The following NDST1 variants were observed in gnomAD, a reference collection of about 807,000 sequenced individuals.
NDST1 encodes the protein N-deacetylase and N-sulfotransferase 1.
In NDST1, 35 loss-of-function variants were observed where a neutral mutation model predicts 92.8. The ratio of observed to expected loss-of-function variants is 0.38; its 90% confidence interval spans 0.29 to 0.50. The LOEUF is 0.50. Ranked by LOEUF, NDST1 falls within the 20% of genes least tolerant of loss-of-function variation. The pLI, the probability that NDST1 is intolerant of heterozygous loss-of-function variation, is 0.94. For synonymous variants in NDST1, 493 were observed against 500.3 expected (o/e 0.99, Z 0.19); for missense variants, 822 against 1,182.7 (o/e 0.69, Z 4.47).
intron 3 of NDST1, among the ~76,000 whole-genome samples, chr5:150,531,112 T>TTCTTTCAGAGACATGTCTTTCATG (rs1195994144): frequency 6.6e-6 from 1 of 152,050 alleles, no homozygotes. Context: ...AACAGAGCCC[T>TTCTTTCAGAGACATGTCTTTCATG]TCTTTCAGAG....
At chr5:150,545,757 G>A (rs575217579) in intron 11 of NDST1, among the ~76,000 whole-genome samples, 2 of 152,222 alleles carry the variant, frequency 1.3e-5, no homozygotes, top group Non-Finnish European at 2.9e-5. Flanking sequence ...GTGGAGGCTG[G>A]TTACGCCTAG....
chr5:150,551,984 A>G, intron 14 of NDST1, 129 bp downstream of exon 14: 1 of 1,452,408 alleles, frequency 6.9e-7, no homozygotes, highest in Non-Finnish European at 9.3e-7. Flanking sequence ...CTTGGACAGT[A>G]TTTGTAAGAG....
At chr5:150,548,094 C>T in intron 11 of NDST1, 124 bp from the exon 12 acceptor site, 2 of 1,128,588 alleles carry the variant, frequency 1.8e-6, no homozygotes, top group Non-Finnish European at 2.6e-6. Flanking sequence ...AGAGCCAGGA[C>T]TCAGACCCAG....
upstream of NDST1, among the ~76,000 whole-genome samples, chr5:150,507,256 A>G (rs1220351446): frequency 6.6e-6 from 1 of 151,090 alleles, no homozygotes; most frequent in Non-Finnish European, 1.5e-5. Flanking sequence ...AGCCCCACGT[A>G]TAAACATACC....
At chr5:150,535,451 A>T (rs1212457975) in intron 5 of NDST1, 1 of 943,100 alleles carries the variant, frequency 1.1e-6, no homozygotes, top group Non-Finnish European at 1.3e-6. Context: ...TTTGTGCTAG[A>T]GGCATGTGCA....
intron 8 of NDST1, 132 bp downstream of exon 8, chr5:150,540,396 C>G (rs1755190642): frequency 1.0e-6 from 1 of 964,486 alleles, no homozygotes; most frequent in Non-Finnish European, 1.5e-6. Flanking sequence ...AAACTCAGGT[C>G]CCCATCTACT....
rs569758058 is a variant in NDST1, at chr5:150,528,137, A to T, written c.847A>T (p.Asn283Tyr). 23 of 1,614,112 alleles carry T rather than the reference A, an allele frequency of 1.4e-5. No individual in the cohort carries two copies. The highest frequency in any genetic ancestry group is 1.9e-5 in the Non-Finnish European group (22 of 1,180,038). The change falls in exon 3 of 15, where the codon AAC becomes TAC. Residue 283 changes from asparagine to tyrosine, a missense_variant. Physicochemically the swap from Asn to Tyr is moderately radical, Grantham distance 143. Transcript: ENST00000261797. The part of the protein sequence containing the change: ...HDGIQRVLFG[N>Y]NLNFWLHKLV... The stretch of plus-strand genomic sequence containing the variant: ...CGGCATCCAGCGCGTGCTGTTTGGC[A>T]ACAACCTGAACTTCTGGCTGCACAA...
chr5:150,541,357 GC>G (rs1367783891), intron 8 of NDST1, among the ~76,000 whole-genome samples: 1 of 152,196 alleles, frequency 6.6e-6, no homozygotes, highest in Admixed American at 6.5e-5. Flanking sequence ...GTGCTAAGGG[GC>G]ATTTTGCGAG....
rs1581401925 is a variant in NDST1, at chr5:150,542,986, C to T, written c.1970+15C>T. Reference sequence around the variant, plus strand: ...GGCATCGACTGGTGAGTTGGCCTTTCTGTCCACAGCGGGACGGGAAGGCCA... The same window carrying T: ...GGCATCGACTGGTGAGTTGGCCTTTTTGTCCACAGCGGGACGGGAAGGCCA... On this transcript the variant is annotated intron_variant, in intron 10 of 14. Coordinates refer to ENST00000261797, the MANE Select transcript of NDST1 (RefSeq NM_001543.5). 2.5e-6 allele frequency: 4 copies of T among 1,613,744 alleles called. No individual in the cohort carries two copies. The highest frequency in any genetic ancestry group is 3.4e-6 in the Non-Finnish European group (4 of 1,179,688).
rs1336945202 is a variant in NDST1 at position 150,542,991 on chromosome 5, C to T, written c.1970+20C>T. ...CGACTGGTGAGTTGGCCTTTCTGTCCACAGCGGGACGGGAAGGCCATCCTG... is the reference window on the plus strand; with the variant it reads ...CGACTGGTGAGTTGGCCTTTCTGTCTACAGCGGGACGGGAAGGCCATCCTG... On this transcript the variant is annotated intron_variant, in intron 10 of 14. Transcript: ENST00000261797. 2 of 1,613,590 alleles carry T rather than the reference C, an allele frequency of 1.2e-6. No individual in the cohort carries two copies. The highest frequency in any genetic ancestry group is 2.2e-5 in the East Asian group (1 of 44,858).
In NDST1 at chr5:150,536,448, G is replaced by A. The variant is rs538314175; in HGVS notation, c.1437+563G>A. Among the ~76,000 whole-genome samples the A allele has an allele frequency of 2.6e-5, 4 of 151,868 alleles. No individual in the cohort carries two copies. The South Asian group carries it at 8.3e-4, about 32-fold the overall frequency. On this transcript the variant is annotated intron_variant, in intron 6 of 14. Coordinates refer to ENST00000261797, the MANE Select transcript of NDST1 (RefSeq NM_001543.5). ...TTGAACCTGGGAGATCGAGGCTGCA[G>A]TGAGCCAAGATTGCGCCACTGCACT...
In NDST1 at chr5:150,519,362, C is replaced by G. The variant is rs551736535; in HGVS notation, c.-387-1506C>G. Reference sequence around the variant, plus strand: ...CTTTAGCCCTGGCTCTTACACCTTCCATCTAGACCTGGGCAACTCTCCTTC... The same window carrying G: ...CTTTAGCCCTGGCTCTTACACCTTCGATCTAGACCTGGGCAACTCTCCTTC... On this transcript the variant is annotated intron_variant, in intron 1 of 14. Coordinates refer to ENST00000261797, the MANE Select transcript of NDST1 (RefSeq NM_001543.5). Among the ~76,000 whole-genome samples, 4 of 151,998 alleles carry G rather than the reference C, an allele frequency of 2.6e-5. No individual in the cohort carries two copies. In the South Asian group the frequency reaches 8.3e-4, roughly 31 times the overall value.
At chr5:150,539,991 G>T in intron 7 of NDST1, 91 bp from the exon 8 acceptor site, 1 of 1,509,828 alleles carries the variant, frequency 6.6e-7, no homozygotes, top group Non-Finnish European at 9.2e-7. Flanking sequence ...AGCCTTGCAA[G>T]CTAAGGCAGG....
At chr5:150,508,093 C>T (rs1168392484), upstream of NDST1, 1 of 152,386 alleles carries the variant, frequency 6.6e-6, no homozygotes, top group Non-Finnish European at 1.5e-5. Context: ...TCCCTTTCTC[C>T]TGGGGAGGGG....
At chr5:150,500,602 G>T (rs1459220498) in intron 1 of NDST1, among the ~76,000 whole-genome samples, 2 of 152,220 alleles carry the variant, frequency 1.3e-5, no homozygotes, top group Non-Finnish European at 2.9e-5. Flanking sequence ...TCACATTAGG[G>T]AACAGGTCAG....
In NDST1 at chr5:150,529,390, CAAAAAAAAAAAAAA is replaced by C. The variant is rs11418788; in HGVS notation, c.1008+1102_1008+1115del. Among the ~76,000 whole-genome samples the C allele has an allele frequency of 4.6e-5, 3 of 65,172 alleles. No individual in the cohort carries two copies. The South Asian group carries it at 1.9e-3, about 40-fold the overall frequency. The allele number at this position is 65,172 out of a possible 152,430, so 42.8% of individuals were successfully genotyped here. On this transcript the variant is annotated intron_variant, in intron 3 of 14. Transcript: ENST00000261797. The stretch of plus-strand genomic sequence containing the variant: ...TGGGCCACAGAGCAAGACCCTGTCT[CAAAAAAAAAAAAAA>C]AAAAAAAAAGTTTTTACTAAACAAA...
In NDST1 at chr5:150,556,443, C is replaced by CAG. The variant is rs1755871539; in HGVS notation, c.*3114_*3115dup. 1 of 152,220 alleles carries CAG rather than the reference C, an allele frequency of 6.6e-6. No homozygotes were observed. Among genetic ancestry groups the CAG allele is most frequent in the Non-Finnish European group, 1.5e-5 (1 of 68,048 alleles). 9.4% of individuals were successfully genotyped at this position (152,220 alleles called of 1,614,324 possible). ...AGAGGAGAGCTGCTGCGCTGACCTG[C>CAG]AGAGGTTGGTGGTCCCAGCACAGAG... On this transcript the variant is annotated 3_prime_UTR_variant, in exon 15 of 15. Coordinates refer to ENST00000261797, the MANE Select transcript of NDST1 (RefSeq NM_001543.5).
intron 1 of NDST1, among the ~76,000 whole-genome samples, chr5:150,517,367 T>A (rs1289792814): frequency 6.6e-6 from 1 of 151,408 alleles, no homozygotes. Flanking sequence ...CTTGAACTCC[T>A]GGCCTTAAGT....
chr5:150,499,528 AAGCATTGG>A (rs1349177875), intron 1 of NDST1, among the ~76,000 whole-genome samples: 4 of 152,186 alleles, frequency 2.6e-5, no homozygotes, highest in South Asian at 4.1e-4. Context: ...CGAAGCATGG[AAGCATTGG>A]AGCATCATGC....
Sources: allele counts gnomAD v4.1 joint callset (sites outside exome capture counted in the v4.1 genomes callset), GRCh38; gene constraint gnomAD v4.1.1; transcripts MANE v1.5; gene names NCBI Gene and HGNC (gene_info 2026-07-23, HGNC 2026-07-21).